Variants in BRD4 observed in about 807,000 individuals in gnomAD.
BRD4 encodes bromodomain-containing protein 4.
In BRD4, 16 loss-of-function variants were observed where a neutral mutation model predicts 142.1. The observed-to-expected ratio is 0.11, with a 90% CI of 0.08 to 0.17. The LOEUF is 0.17. Ranked by LOEUF, BRD4 falls within the 10% of genes least tolerant of loss-of-function variation. The pLI is 1.00. For synonymous variants in BRD4, 833 were observed against 707.5 expected, an observed-to-expected ratio of 1.18 and a Z score of -2.82; for missense variants, 1,424 against 1,810.9, an observed-to-expected ratio of 0.79 and a Z score of 3.88.
rs114723577 is a variant in BRD4, at chr19:15,254,168, G to A, written c.2142C>T (p.Ser714=). The part of the protein sequence containing the change: ...ESSSESSSSD[S]EDSETEMAPK... ...TCACCTAACCTGTTTCGGAGTCTTC[G>A]CTGTCAGAGGAGCTGGACTCACTGG... Residue 714 remains serine (S), a synonymous_variant, in exon 11 of 20, where the codon AGC becomes AGT. Coordinates refer to ENST00000679869, the MANE Select transcript of BRD4 (RefSeq NM_001379291.1). 1,431 of 1,614,096 alleles carry A rather than the reference G, an allele frequency of 8.9e-4. 13 individuals carry two copies. The African/African-American group carries it at 0.017, about 20-fold the overall frequency.
At position 15,264,678 on chromosome 19, in the gene BRD4, G is replaced by C; in HGVS notation, c.938C>G (p.Pro313Arg). 1 of 1,613,528 alleles carries C rather than the reference G, an allele frequency of 6.2e-7. No individual in the cohort carries two copies. Among genetic ancestry groups the C allele is most frequent in the Non-Finnish European group, 8.5e-7 (1 of 1,180,032 alleles). Residue 313 changes from proline (P) to arginine (R), a missense_variant, in exon 6 of 20, where the codon CCC (proline) becomes CGC (arginine). Coordinates refer to ENST00000679869, the MANE Select transcript of BRD4 (RefSeq NM_001379291.1). The part of the protein sequence containing the change: ...IHEPPSLPPE[P>R]KTTKLGQRRE... Reference sequence around the variant, plus strand: ...CCGCTGGCCCAGCTTGGTGGTCTTGGGCTCCGGGGGCAGCGAGGGTGGCTC... The same window carrying C: ...CCGCTGGCCCAGCTTGGTGGTCTTGCGCTCCGGGGGCAGCGAGGGTGGCTC...
chr19:15,310,452 C>G (rs2047960012), intron 1 of BRD4, among the ~76,000 whole-genome samples: 1 of 148,146 alleles, frequency 6.8e-6, no homozygotes, highest in Admixed American at 6.8e-5. Flanking sequence ...GCTCCGCCTC[C>G]CGGGTTCACG....
intron 1 of BRD4, among the ~76,000 whole-genome samples, chr19:15,290,069 CA>C (rs1170886318): frequency 6.6e-6 from 1 of 152,072 alleles, no homozygotes; most frequent in Admixed American, 6.6e-5. Context: ...AAGGGTAGGG[CA>C]GGGGGTCACA....
In BRD4 at chr19:15,238,440, T is replaced by C; in HGVS notation, c.4026A>G (p.Ala1342=). ...EQERRRREAM[A]ATIDMNFQSD... Reference sequence around the variant, plus strand: ...TCTGGAAATTCATGTCAATGGTAGCTGCCATCTGGAGGAGAAAGGAAGGAG... The same window carrying C: ...TCTGGAAATTCATGTCAATGGTAGCCGCCATCTGGAGGAGAAAGGAAGGAG... Residue 1342 remains alanine, a synonymous_variant, in exon 20 of 20, where the codon GCA becomes GCG. Coordinates refer to ENST00000679869, the MANE Select transcript of BRD4 (RefSeq NM_001379291.1). This position sits in a 1 kb window ranked among gnomAD's most constrained non-coding sequence, Gnocchi z 7.2. 1 of 1,614,108 alleles carries C rather than the reference T, an allele frequency of 6.2e-7. No individual in the cohort carries two copies. The highest frequency in any genetic ancestry group is 8.5e-7 in the Non-Finnish European group (1 of 1,179,988).
intron 1 of BRD4, among the ~76,000 whole-genome samples, chr19:15,286,005 G>A (rs2047737259): frequency 6.6e-6 from 1 of 152,082 alleles, no homozygotes; most frequent in Non-Finnish European, 1.5e-5. Context: ...TTATTCCCAG[G>A]TTCTCCCAGA....
chr19:15,325,053 C>T (rs141079268), intron 1 of BRD4, among the ~76,000 whole-genome samples: 7 of 152,132 alleles, frequency 4.6e-5, no homozygotes, highest in Non-Finnish European at 8.8e-5. Context: ...CTACTCTGAC[C>T]CCTGGCTTCC....
chr19:15,239,038 C>T lies in BRD4; in HGVS notation c.3782+21G>A, dbSNP rs2145499361. 1 of 1,581,508 alleles carries T rather than the reference C, an allele frequency of 6.3e-7. No homozygotes were observed. The highest frequency in any genetic ancestry group is 8.6e-7 in the Non-Finnish European group (1 of 1,167,596). ...GGTGTGGCCCCAAGAGTCCCCATGC[C>T]CCACCCAGACACCCGCCCACCTCAT... On this transcript the variant is annotated intron_variant, in intron 18 of 19. Transcript: ENST00000679869. The surrounding 1 kb of genome is among the most constrained non-coding windows in gnomAD (Gnocchi z 7.4).
intron 1 of BRD4, among the ~76,000 whole-genome samples, chr19:15,300,773 T>G (rs1337437877): frequency 6.6e-6 from 1 of 152,108 alleles, no homozygotes; most frequent in Non-Finnish European, 1.5e-5. Context: ...CCTAAAACCC[T>G]GACAATACCA....
intron 1 of BRD4, among the ~76,000 whole-genome samples, chr19:15,301,483 C>T (rs1006956743): frequency 2.6e-5 from 4 of 151,904 alleles, no homozygotes; most frequent in African/African-American, 4.8e-5. Context: ...ATCACTTGAA[C>T]CCGAGAGGCA....
chr19:15,312,002 C>T (rs1005249217), intron 1 of BRD4, among the ~76,000 whole-genome samples: 2 of 152,114 alleles, frequency 1.3e-5, no homozygotes, highest in Non-Finnish European at 2.9e-5. Context: ...ATCTGCTGCA[C>T]GACAATATGC....
At chr19:15,281,037 G>T (rs1293145036) in intron 1 of BRD4, among the ~76,000 whole-genome samples, 1 of 152,196 alleles carries the variant, frequency 6.6e-6, no homozygotes, top group Non-Finnish European at 1.5e-5. Context: ...CTTTAATTGT[G>T]CAATCTGTGT....
rs1167285134 is a variant in BRD4, at chr19:15,267,352, C to G, written c.559+64G>C. 11 of 1,585,240 alleles carry G rather than the reference C, an allele frequency of 6.9e-6. No individual in the cohort carries two copies. In the Middle Eastern group the frequency reaches 5.1e-4, roughly 73 times the overall value. On this transcript the variant is annotated intron_variant, in intron 4 of 19. Transcript: ENST00000679869. ...CCTCCTGCCACTCCCAGCCCCCCAC[C>G]AAACTTGGAAAAGGGACAAAGGTCG... is the stretch of plus-strand genomic sequence containing the variant.
At chr19:15,326,865 C>T (rs1315578131) in intron 1 of BRD4, among the ~76,000 whole-genome samples, 1 of 152,108 alleles carries the variant, frequency 6.6e-6, no homozygotes, top group Non-Finnish European at 1.5e-5. Context: ...AGGTTGGTAG[C>T]CTGTCGAGAC....
intron 1 of BRD4, chr19:15,280,341 C>T: frequency 9.9e-7 from 1 of 1,014,702 alleles, no homozygotes; most frequent in Non-Finnish European, 1.2e-6. Flanking sequence ...AGCAGCACCA[C>T]ACTTTGCTGT....
At chr19:15,250,121 T>G (rs895137617) in intron 11 of BRD4, among the ~76,000 whole-genome samples, 1 of 152,092 alleles carries the variant, frequency 6.6e-6, no homozygotes, top group Admixed American at 6.5e-5. Context: ...AGTGCGGGCA[T>G]GGGAAAAACC....
At chr19:15,254,819 C>T (rs567680652) in intron 10 of BRD4, among the ~76,000 whole-genome samples, 35 of 152,190 alleles carry the variant, frequency 2.3e-4, no homozygotes, top group Non-Finnish European at 3.7e-4. Context: ...AGAGGAAAGC[C>T]GTAGGCCAGG....
At chr19:15,253,467 G>A (rs2145561665) in intron 11 of BRD4, 3 of 1,309,662 alleles carry the variant, frequency 2.3e-6, no homozygotes, top group Non-Finnish European at 3.2e-6. Flanking sequence ...GGTCCAACGT[G>A]CAGACCCACG....
intron 11 of BRD4, chr19:15,249,187 T>C (rs2047318625): frequency 6.2e-7 from 1 of 1,602,906 alleles, no homozygotes; most frequent in Non-Finnish European, 8.5e-7. Flanking sequence ...TGGAGTCCTG[T>C]CCCTTTCACG....
chr19:15,270,624 G>A (rs1046582581), intron 2 of BRD4, among the ~76,000 whole-genome samples: 1 of 152,322 alleles, frequency 6.6e-6, no homozygotes, highest in East Asian at 1.9e-4. Context: ...GAACGGTGGG[G>A]GAAGAGGAAC....
Sources: gnomAD v4.1 joint callset for allele counts (sites outside exome capture counted in the v4.1 genomes callset) on GRCh38, gnomAD v4.1.1 for gene constraint, Gnocchi (gnomAD v3.1) non-coding constraint, MANE v1.5 for transcripts, NCBI Gene and HGNC (gene_info 2026-07-23, HGNC 2026-07-21) for gene names.